The following PTPRD variants were observed in gnomAD, a reference collection of about 807,000 sequenced individuals.
PTPRD encodes protein tyrosine phosphatase receptor type D, also known as receptor-type tyrosine-protein phosphatase delta.
Under a neutral mutation model 214.5 loss-of-function variants are expected in PTPRD, and 34 were observed. The observed-to-expected ratio is 0.16, with a 90% CI of 0.12 to 0.21. The LOEUF is 0.21. Among genes scored for constraint, PTPRD ranks in the 10% least tolerant of loss-of-function variants. The pLI is 1.00. For synonymous variants in PTPRD, 1,128 were observed against 845.7 expected, an observed-to-expected ratio of 1.33 and a Z score of -5.79; for missense variants, 2,545 against 2,398.7, an observed-to-expected ratio of 1.06 and a Z score of -1.27.
At chr9:8,997,045 G>A (rs537899998) in intron 11 of PTPRD, among the ~76,000 whole-genome samples, 1 of 152,068 alleles carries the variant, frequency 6.6e-6, no homozygotes, top group Non-Finnish European at 1.5e-5. Context: ...TTCTTCCTCA[G>A]TTTCCTGCAC....
intron 21 of PTPRD, 34 bp downstream of exon 21, chr9:8,517,814 C>G (rs1304187163): frequency 6.4e-7 from 1 of 1,570,066 alleles, no homozygotes; most frequent in Admixed American, 1.7e-5. Flanking sequence ...CAGCCCTTCC[C>G]TCCTGCCCTA....
intron 39 of PTPRD, 94 bp from the exon 40 acceptor site, chr9:8,342,072 T>C: frequency 7.2e-6 from 9 of 1,246,464 alleles, no homozygotes; most frequent in Non-Finnish European, 9.6e-6. Context: ...AACTAGACCT[T>C]ACATCCATTA....
intron 3 of PTPRD, among the ~76,000 whole-genome samples, chr9:10,051,241 C>T (rs541716398): frequency 3.9e-5 from 6 of 152,094 alleles, no homozygotes; most frequent in Middle Eastern, 3.4e-3. Flanking sequence ...AGAGTTGTTT[C>T]GGGAAAACAT....
At chr9:9,384,749 T>A (rs913639863) in intron 9 of PTPRD, among the ~76,000 whole-genome samples, 3 of 152,078 alleles carry the variant, frequency 2.0e-5, no homozygotes, top group Admixed American at 1.3e-4. Flanking sequence ...TCTATTATGA[T>A]GAATTTTCTC....
chr9:9,774,767 C>G (rs2098783229), intron 5 of PTPRD, among the ~76,000 whole-genome samples: 1 of 152,130 alleles, frequency 6.6e-6, no homozygotes, highest in Admixed American at 6.6e-5. Flanking sequence ...TACAGTGTGT[C>G]ATAGCCTTAA....
At chr9:9,328,614 CTTGCT>C (rs2041008032) in intron 9 of PTPRD, among the ~76,000 whole-genome samples, 3 of 39,074 alleles carry the variant, frequency 7.7e-5, no homozygotes, top group African/African-American at 2.3e-4. Context: ...TGTTGTTGTT[CTTGCT>C]TTTTTTTTTT....
intron 7 of PTPRD, among the ~76,000 whole-genome samples, chr9:9,611,041 T>G (rs2154344999): frequency 6.6e-6 from 1 of 152,310 alleles, no homozygotes; most frequent in Non-Finnish European, 1.5e-5. Flanking sequence ...TAATTTTGTG[T>G]GTAATTCTCT....
chr9:10,028,964 G>C (rs1342451433), intron 4 of PTPRD, among the ~76,000 whole-genome samples: 2 of 152,036 alleles, frequency 1.3e-5, no homozygotes. Flanking sequence ...TGGCAGGGTG[G>C]GGCCCAGGGT....
intron 7 of PTPRD, among the ~76,000 whole-genome samples, chr9:9,715,767 T>C (rs867243890): frequency 2.0e-5 from 3 of 152,220 alleles, no homozygotes; most frequent in Admixed American, 6.5e-5. Context: ...AGCTGAAGAC[T>C]ATTGTGTATT....
intron 8 of PTPRD, among the ~76,000 whole-genome samples, chr9:9,571,641 A>G (rs73641318): frequency 0.01 from 1,538 of 151,242 alleles, 25 homozygotes; most frequent in African/African-American, 0.035. Flanking sequence ...TAATTTTGTT[A>G]TAGTGCTGAA....
rs186467209 is a variant in PTPRD at position 10,130,996 on chromosome 9, T to A, written c.-544-97206A>T. 4.1e-3 allele frequency among the ~76,000 whole-genome samples: 621 copies of A among 152,204 alleles called. 6 individuals carry two copies. Among genetic ancestry groups the A allele is most frequent in the Admixed American group, 6.0e-3 (91 of 15,260 alleles). The stretch of plus-strand genomic sequence containing the variant: ...AATAGATCCCTAAAGCTCTATAAGC[T>A]ACCATCAAATGCAAGATAAAAGAAG... On this transcript the variant is annotated intron_variant, in intron 3 of 45. Transcript: ENST00000381196.
At position 10,123,852 on chromosome 9, in the gene PTPRD, G is replaced by T. The variant is rs291300; in HGVS notation, c.-544-90062C>A. ...GCTGGCTGGAGAGTAACTTTCTGTGGACACAATGTCACATCCATAGTGCTA... is the reference window on the plus strand; with the variant it reads ...GCTGGCTGGAGAGTAACTTTCTGTGTACACAATGTCACATCCATAGTGCTA... On this transcript the variant is annotated intron_variant, in intron 3 of 45. Coordinates refer to ENST00000381196, the MANE Select transcript of PTPRD (RefSeq NM_002839.4). Among the ~76,000 whole-genome samples the T allele has an allele frequency of 4.3e-3, 653 of 152,036 alleles. 4 individuals are homozygous for T. Among genetic ancestry groups the T allele is most frequent in the African/African-American group, 0.015 (628 of 41,504 alleles).
intron 11 of PTPRD, among the ~76,000 whole-genome samples, chr9:8,953,418 A>G (rs2099114017): frequency 1.3e-5 from 2 of 151,892 alleles, no homozygotes; most frequent in South Asian, 2.1e-4. Flanking sequence ...GGAAATAAAT[A>G]CCCTTCTTGA....
At chr9:9,390,815 T>C (rs1556521) in intron 9 of PTPRD, among the ~76,000 whole-genome samples, 132,224 of 152,156 alleles carry the variant, frequency 0.87, 57,588 homozygotes, top group African/African-American at 0.89. Flanking sequence ...ACATTAGTAA[T>C]CTGTGTTTGT....
chr9:9,616,012 C>A (rs1341254219), intron 7 of PTPRD, among the ~76,000 whole-genome samples: 1 of 152,042 alleles, frequency 6.6e-6, no homozygotes, highest in Non-Finnish European at 1.5e-5. Flanking sequence ...GGTTTATTAT[C>A]CAAATAGAAA....
intron 2 of PTPRD, among the ~76,000 whole-genome samples, chr9:10,563,356 A>T (rs2064586466): frequency 6.6e-6 from 1 of 152,172 alleles, no homozygotes; most frequent in Non-Finnish European, 1.5e-5. Flanking sequence ...GCCAGAAGGA[A>T]GAAATGAGAA....
At chr9:9,372,515 A>C (rs1156549878) in intron 9 of PTPRD, among the ~76,000 whole-genome samples, 1 of 151,976 alleles carries the variant, frequency 6.6e-6, no homozygotes, top group Non-Finnish European at 1.5e-5. Flanking sequence ...GTCTCTGCAC[A>C]TGAGATGGGT....
At chr9:8,656,757 C>T (rs1000060799) in intron 12 of PTPRD, among the ~76,000 whole-genome samples, 2 of 152,050 alleles carry the variant, frequency 1.3e-5, no homozygotes, top group Non-Finnish European at 2.9e-5. Flanking sequence ...ACTGGCCTTC[C>T]GGTATAGGAA....
intron 2 of PTPRD, among the ~76,000 whole-genome samples, chr9:10,599,677 GGTT>G (rs1377776891): frequency 3.3e-5 from 5 of 151,778 alleles, no homozygotes; most frequent in Admixed American, 2.0e-4. Context: ...CTATTCATTT[GGTT>G]GTTAAGTTAC....
Sources: allele counts gnomAD v4.1 joint callset (sites outside exome capture counted in the v4.1 genomes callset), GRCh38; gene constraint gnomAD v4.1.1; transcripts MANE v1.5; gene names NCBI Gene and HGNC (gene_info 2026-07-23, HGNC 2026-07-21).